NEBL: variants seen among roughly 807,000 people sequenced by gnomAD.
The protein encoded by NEBL is nebulette.
NEBL carries 122 observed loss-of-function variants against 140.2 expected under a neutral mutation model. The ratio of observed to expected loss-of-function variants is 0.87; its 90% confidence interval spans 0.75 to 1.01. The LOEUF (loss-of-function observed/expected upper bound fraction) is 1.01. NEBL is among the 50% of genes least tolerant of loss of function. The pLI is 0.00. For missense variants in NEBL, 1,365 were observed against 1,231.3 expected, an observed-to-expected ratio of 1.11 and a Z score of -1.62; for synonymous variants, 436 against 398.9, an observed-to-expected ratio of 1.09 and a Z score of -1.11.
At chr10:20,965,246 A>G (rs1415237718) in intron 3 of NEBL, among the ~76,000 whole-genome samples, 1 of 152,238 alleles carries the variant, frequency 6.6e-6, no homozygotes, top group Non-Finnish European at 1.5e-5. Flanking sequence ...GCAAGAGATG[A>G]AAAACACACA....
intron 3 of NEBL, among the ~76,000 whole-genome samples, chr10:21,227,259 A>T (rs1183999505): frequency 2.6e-5 from 4 of 152,106 alleles, no homozygotes; most frequent in Non-Finnish European, 4.4e-5. Flanking sequence ...CCTTGCCTCC[A>T]TTCAGTTAAT....
intron 2 of NEBL, among the ~76,000 whole-genome samples, chr10:21,107,282 C>T (rs117090993): frequency 1.5e-4 from 23 of 152,226 alleles, no homozygotes; most frequent in Admixed American, 3.9e-4. Flanking sequence ...GGTGCCCATT[C>T]GCTATGATAT....
In NEBL at chr10:20,831,464, C is replaced by CTGT. The variant is rs770655855; in HGVS notation, c.1560+6_1560+8dup. 30 of 1,588,110 alleles carry CTGT rather than the reference C, an allele frequency of 1.9e-5. No individual in the cohort carries two copies. The highest frequency in any genetic ancestry group is 1.7e-4 in the Middle Eastern group (1 of 6,008). Reference sequence around the variant, plus strand: ...TTATTTTAAACTTTGTATCTTGCTGCTGTCTTACCTGGCTGGCCATCTCGG... The same window carrying CTGT: ...TTATTTTAAACTTTGTATCTTGCTGCTGTTGTCTTACCTGGCTGGCCATCTCGG... On this transcript the variant is annotated intron_variant, in intron 15 of 27. Coordinates refer to ENST00000377122, the MANE Select transcript of NEBL (RefSeq NM_006393.3).
In NEBL at chr10:20,835,636, AC is replaced by A. The variant is rs1465683712; in HGVS notation, c.1339-14del. 1 of 1,540,348 alleles carries A rather than the reference AC, an allele frequency of 6.5e-7. No homozygotes were observed. The highest frequency in any genetic ancestry group is 2.2e-5 in the East Asian group (1 of 44,518). ...TCTTGTATTCTTTCTGCAAAAGACAACATTTTACAACATTCAAACACTCAGT... is the reference window on the plus strand; with the variant it reads ...TCTTGTATTCTTTCTGCAAAAGACAAATTTTACAACATTCAAACACTCAGT... On this transcript the variant is annotated splice_polypyrimidine_tract_variant and intron_variant, in intron 13 of 27. Transcript: ENST00000377122.
intron 5 of NEBL, among the ~76,000 whole-genome samples, chr10:20,872,053 A>C (rs1172502083): frequency 6.6e-6 from 1 of 152,208 alleles, no homozygotes; most frequent in East Asian, 1.9e-4. Flanking sequence ...TTGTTTAGAA[A>C]AGAATGAGGG....
intron 2 of NEBL, among the ~76,000 whole-genome samples, chr10:20,890,627 C>T (rs1846950646): frequency 6.6e-6 from 1 of 152,212 alleles, no homozygotes; most frequent in South Asian, 2.1e-4. Flanking sequence ...TGCTGGAGAT[C>T]AGCAAGACAA....
chr10:21,239,043 A>G (rs942884610), intron 3 of NEBL, among the ~76,000 whole-genome samples: 5 of 152,208 alleles, frequency 3.3e-5, no homozygotes, highest in Admixed American at 6.5e-5. Flanking sequence ...GTGATAAATT[A>G]AAACTGCACT....
chr10:20,844,641 T>C (rs1448649385), intron 12 of NEBL, among the ~76,000 whole-genome samples: 3 of 151,882 alleles, frequency 2.0e-5, no homozygotes, highest in African/African-American at 4.8e-5. Context: ...GGGGAAATTT[T>C]TGCAGAGAAT....
chr10:21,161,773 C>T (rs1840569949), intron 2 of NEBL, among the ~76,000 whole-genome samples: 1 of 152,124 alleles, frequency 6.6e-6, no homozygotes, highest in Non-Finnish European at 1.5e-5. Context: ...TCAAAGGTAG[C>T]TTTGATGGCG....
rs150103686 is a variant in NEBL, at chr10:20,946,712, T to C, written c.357+14960A>G. On this transcript the variant is annotated intron_variant, in intron 4 of 6. Transcript: ENST00000417816. ...ACACCGCGCCAGTCCCGTTTTATTA[T>C]TCTTTAAACTGGACATATTTTCTAT... Among the ~76,000 whole-genome samples the C allele has an allele frequency of 8.5e-4, 130 of 152,296 alleles. 3 individuals carry two copies. The East Asian group carries it at 0.019, about 22-fold the overall frequency.
In NEBL at chr10:21,191,142, G is replaced by A. The variant is rs144535021; in HGVS notation, n.349-18665C>T. On this transcript the variant is annotated intron_variant and non_coding_transcript_variant, in intron 3 of 8. Transcript: ENST00000675702. ...GTTGGGCTTAGGAGCATCCACAGGT[G>A]TTCTTACTCAATTTGCCAATTTCCC... Among the ~76,000 whole-genome samples the A allele has an allele frequency of 1.8e-3, 272 of 152,254 alleles. 4 individuals carry two copies. In the East Asian group the frequency reaches 0.03, roughly 17 times the overall value.
At chr10:20,848,543 G>A (rs543928057) in intron 11 of NEBL, among the ~76,000 whole-genome samples, 2 of 152,166 alleles carry the variant, frequency 1.3e-5, no homozygotes, top group East Asian at 1.9e-4. Flanking sequence ...AAGGGTGAGG[G>A]AGCATTCCTG....
At chr10:20,948,968 T>C (rs1298318835) in intron 4 of NEBL, among the ~76,000 whole-genome samples, 1 of 152,198 alleles carries the variant, frequency 6.6e-6, no homozygotes, top group African/African-American at 2.4e-5. Context: ...ATATGTGCAC[T>C]CTACACATAC....
intron 2 of NEBL, among the ~76,000 whole-genome samples, chr10:21,120,422 A>ATATATATATATATATATATATATATT (rs1191813457): frequency 3.4e-5 from 3 of 87,164 alleles, no homozygotes; most frequent in African/African-American, 1.6e-4. Flanking sequence ...ATATATATAT[A>ATATATATATATATATATATATATATT]TAAATTTGAT....
At chr10:21,198,129 A>G (rs899699734) in intron 3 of NEBL, among the ~76,000 whole-genome samples, 4 of 152,068 alleles carry the variant, frequency 2.6e-5, no homozygotes, top group African/African-American at 9.7e-5. Flanking sequence ...TACAGTGATC[A>G]CAGCCTTCAC....
intron 1 of NEBL, among the ~76,000 whole-genome samples, chr10:21,289,002 C>A (rs888726486): frequency 1.3e-5 from 2 of 149,896 alleles, no homozygotes; most frequent in African/African-American, 4.9e-5. Flanking sequence ...TGCCCACAAC[C>A]AAGCCTGGCT....
At chr10:20,786,008 AAAGT>A in intron 27 of NEBL, 85 bp from the exon 28 acceptor site, 2 of 1,286,166 alleles carry the variant, frequency 1.6e-6, no homozygotes, top group Non-Finnish European at 2.2e-6. Flanking sequence ...ACCCACACAT[AAAGT>A]AACTATTAGG....
chr10:20,823,311 T>C lies in NEBL; in HGVS notation c.1870-11A>G, dbSNP rs1373919817. The C allele has an allele frequency of 4.5e-6, 7 of 1,567,070 alleles. No homozygotes were observed. The highest frequency in any genetic ancestry group is 2.2e-5 in the East Asian group (1 of 44,448). On this transcript the variant is annotated splice_polypyrimidine_tract_variant and intron_variant, in intron 18 of 27. Coordinates refer to ENST00000377122, the MANE Select transcript of NEBL (RefSeq NM_006393.3). ...TTCTTTGTATTTCACCTGCATAATT[T>C]ATAAGAATATAACGTTAACTTTATT...
At chr10:20,816,132 G>A (rs550588108) in intron 21 of NEBL, among the ~76,000 whole-genome samples, 2 of 152,138 alleles carry the variant, frequency 1.3e-5, no homozygotes, top group Non-Finnish European at 2.9e-5. Context: ...AATATTTTCA[G>A]AGGTTGAGTT....
Sources: allele counts gnomAD v4.1 joint callset (sites outside exome capture counted in the v4.1 genomes callset), GRCh38; gene constraint gnomAD v4.1.1; transcripts MANE v1.5; gene names NCBI Gene and HGNC (gene_info 2026-07-23, HGNC 2026-07-21).